Variants in RBFOX1 observed in about 807,000 individuals in gnomAD.
RBFOX1 encodes RNA binding protein fox-1 homolog 1.
A neutral mutation model predicts 57.7 loss-of-function variants in RBFOX1; 8 were observed. The ratio of observed to expected loss-of-function variants is 0.14; its 90% CI spans 0.08 to 0.25. RBFOX1 has a LOEUF of 0.25. Among genes scored for constraint, RBFOX1 ranks in the 10% least tolerant of loss-of-function variants. The probability of loss-of-function intolerance (pLI) is 1.00; values close to 1 mark genes in which losing one functional copy is unlikely to be tolerated. For synonymous variants in RBFOX1, 326 were observed against 222.4 expected (o/e 1.47, Z -4.15); for missense variants, 611 against 548.5 (o/e 1.11, Z -1.14).
intron 3 of RBFOX1, among the ~76,000 whole-genome samples, chr16:6,776,873 A>T (rs2079462994): frequency 1.3e-5 from 2 of 152,264 alleles, no homozygotes; most frequent in Admixed American, 1.3e-4. Flanking sequence ...TGAACATGGC[A>T]TGTGGCACAT....
At chr16:6,963,174 C>G (rs951272367) in intron 3 of RBFOX1, among the ~76,000 whole-genome samples, 4 of 152,062 alleles carry the variant, frequency 2.6e-5, no homozygotes, top group African/African-American at 4.8e-5. Flanking sequence ...AAGCCTAGCA[C>G]TGCTATTTTT....
chr16:5,855,721 C>G (rs2057007845), intron 3 of RBFOX1, among the ~76,000 whole-genome samples: 1 of 151,936 alleles, frequency 6.6e-6, no homozygotes, highest in African/African-American at 2.4e-5. Context: ...TTTTGTAGCT[C>G]TTTATGAATT....
At chr16:7,235,877 C>G (rs1004597678) in intron 4 of RBFOX1, among the ~76,000 whole-genome samples, 1 of 152,166 alleles carries the variant, frequency 6.6e-6, no homozygotes, top group Non-Finnish European at 1.5e-5. Flanking sequence ...CAGTGTGGAT[C>G]CATATAAATA....
intron 2 of RBFOX1, among the ~76,000 whole-genome samples, chr16:6,618,715 A>G (rs1429340741): frequency 6.6e-6 from 1 of 152,194 alleles, no homozygotes; most frequent in African/African-American, 2.4e-5. Flanking sequence ...AAAGCATTTC[A>G]AAAGCCCTCA....
chr16:7,683,776 C>G (rs946271388), intron 14 of RBFOX1, among the ~76,000 whole-genome samples: 1 of 152,004 alleles, frequency 6.6e-6, no homozygotes, highest in Admixed American at 6.6e-5. Flanking sequence ...AAGCCTAATG[C>G]TTTCTAGGTG....
At chr16:7,615,475 T>G (rs542836659) in intron 10 of RBFOX1, among the ~76,000 whole-genome samples, 2 of 152,320 alleles carry the variant, frequency 1.3e-5, no homozygotes, top group Admixed American at 6.5e-5. Context: ...TACCTTCGAT[T>G]TGCAGGTAAA....
chr16:5,737,648 G>T (rs2052626842), intron 3 of RBFOX1, among the ~76,000 whole-genome samples: 1 of 151,236 alleles, frequency 6.6e-6, no homozygotes, highest in Non-Finnish European at 1.5e-5. Context: ...CTAAGTTTAG[G>T]GTGCTTGGGG....
At chr16:7,339,654 G>A (rs896117691) in intron 4 of RBFOX1, among the ~76,000 whole-genome samples, 2 of 152,126 alleles carry the variant, frequency 1.3e-5, no homozygotes, top group Non-Finnish European at 2.9e-5. Flanking sequence ...TGGCTGGGCT[G>A]GTCTTGAACT....
Position 6,601,670 on chromosome 16 carries a change from C to T in RBFOX1, c.-63-52933C>T, listed in dbSNP as rs369213133. Among the ~76,000 whole-genome samples the T allele has an allele frequency of 3.2e-4, 48 of 152,188 alleles. No individual in the cohort carries two copies. The South Asian group carries it at 7.9e-3, about 25-fold the overall frequency. On this transcript the variant is annotated intron_variant, in intron 2 of 15. Transcript: ENST00000550418. Reference sequence around the variant, plus strand: ...TCTCAGAGGTACATATTAAAAAGAACGTATAAGAGGTCAGATCTGTAGGAG... The same window carrying T: ...TCTCAGAGGTACATATTAAAAAGAATGTATAAGAGGTCAGATCTGTAGGAG...
intron 1 of RBFOX1, among the ~76,000 whole-genome samples, chr16:6,314,189 G>A (rs1002387510): frequency 1.3e-5 from 2 of 152,170 alleles, no homozygotes; most frequent in Non-Finnish European, 2.9e-5. Flanking sequence ...TCCTTTCTTG[G>A]TGCTGTAACC....
chr16:5,877,491 C>T (rs1254770564), intron 4 of RBFOX1, among the ~76,000 whole-genome samples: 1 of 152,226 alleles, frequency 6.6e-6, no homozygotes, highest in Non-Finnish European at 1.5e-5. Context: ...ATGGGTCTTC[C>T]TTTCCCATTT....
chr16:5,302,532 T>G (rs577196511), intron 1 of RBFOX1, among the ~76,000 whole-genome samples: 35 of 152,286 alleles, frequency 2.3e-4, no homozygotes, highest in Non-Finnish European at 4.1e-4. Flanking sequence ...CAGAATGGAG[T>G]GTTAAAAATC....
intron 3 of RBFOX1, among the ~76,000 whole-genome samples, chr16:6,698,650 A>T (rs2061398081): frequency 6.6e-6 from 1 of 152,066 alleles, no homozygotes; most frequent in African/African-American, 2.4e-5. Flanking sequence ...ACGTGGTGGG[A>T]CCACCCCTTT....
chr16:5,422,718 A>G (rs898491536), intron 1 of RBFOX1, among the ~76,000 whole-genome samples: 1 of 111,874 alleles, frequency 8.9e-6, no homozygotes, highest in Non-Finnish European at 1.8e-5. Context: ...GAGAAAGAGG[A>G]GGAGGGAGAG....
intron 9 of RBFOX1, among the ~76,000 whole-genome samples, chr16:7,606,397 A>C (rs1202951590): frequency 6.6e-6 from 1 of 152,192 alleles, no homozygotes; most frequent in Non-Finnish European, 1.5e-5. Flanking sequence ...TTGGGACTAC[A>C]GGCATGAGCC....
chr16:7,308,489 C>T (rs1318738704), intron 4 of RBFOX1, among the ~76,000 whole-genome samples: 1 of 152,200 alleles, frequency 6.6e-6, no homozygotes, highest in Non-Finnish European at 1.5e-5. Flanking sequence ...TTAAAATCCA[C>T]ATTAGAGGGG....
chr16:6,899,488 C>T (rs1002921732), intron 3 of RBFOX1, among the ~76,000 whole-genome samples: 2 of 152,308 alleles, frequency 1.3e-5, no homozygotes, highest in African/African-American at 4.8e-5. Context: ...ACCGAGTCAT[C>T]TGCTTACTAT....
chr16:5,340,055 T>G (rs964109235), intron 1 of RBFOX1, among the ~76,000 whole-genome samples: 5 of 152,208 alleles, frequency 3.3e-5, no homozygotes, highest in African/African-American at 1.2e-4. Context: ...ATGGGCCAGA[T>G]TTGAATTTCC....
At chr16:7,201,472 C>CTTT (rs34193115) in intron 4 of RBFOX1, among the ~76,000 whole-genome samples, 2,338 of 144,302 alleles carry the variant, frequency 0.016, 66 homozygotes, top group African/African-American at 0.057. Flanking sequence ...TTTTTCTTTT[C>CTTT]TTTTTTTTGA....
Sources: allele counts gnomAD v4.1 joint callset (sites outside exome capture counted in the v4.1 genomes callset), GRCh38; gene constraint gnomAD v4.1.1; transcripts MANE v1.5; gene names NCBI Gene and HGNC (gene_info 2026-07-23, HGNC 2026-07-21).